NCKAP5: variants seen among roughly 807,000 people sequenced by gnomAD.
NCKAP5 encodes nck-associated protein 5.
NCKAP5 carries 92 observed loss-of-function variants against 167.0 expected under a neutral mutation model. The observed-to-expected ratio is 0.55, with a 90% CI of 0.47 to 0.66. The LOEUF (loss-of-function observed/expected upper bound fraction) is 0.66. NCKAP5 is among the 30% of genes least tolerant of loss of function. NCKAP5 has a pLI of 0.00. For missense variants in NCKAP5, 2,378 were observed against 2,315.0 expected, an observed-to-expected ratio of 1.03 and a Z score of -0.56; for synonymous variants, 891 against 877.4, an observed-to-expected ratio of 1.02 and a Z score of -0.27.
chr2:133,153,262 A>G (rs111859383), intron 5 of NCKAP5, among the ~76,000 whole-genome samples: 90 of 152,258 alleles, frequency 5.9e-4, no homozygotes, highest in Non-Finnish European at 1.1e-3. Context: ...ACCAAGAGGG[A>G]CCCTAATATA....
chr2:132,839,222 C>A (rs1175675812), intron 11 of NCKAP5, among the ~76,000 whole-genome samples: 1 of 152,076 alleles, frequency 6.6e-6, no homozygotes, highest in Non-Finnish European at 1.5e-5. Flanking sequence ...ATAAGTTCAC[C>A]TTTCTTTTAT....
At chr2:133,654,337 C>G in the NCKAP5 span, among the ~76,000 whole-genome samples, 430 of 151,874 alleles carry the variant, frequency 2.8e-3, no homozygotes, top group African/African-American at 9.8e-3. Flanking sequence ...AAGATCGCAC[C>G]ACTGCACTCC....
At chr2:132,737,761 A>T (rs1691654512) in intron 16 of NCKAP5, among the ~76,000 whole-genome samples, 2 of 152,220 alleles carry the variant, frequency 1.3e-5, no homozygotes, top group South Asian at 4.1e-4. Flanking sequence ...CAAGAGGCAC[A>T]CTGTTATAAT....
chr2:133,455,977 G>A (rs1691832055), intron 3 of NCKAP5, among the ~76,000 whole-genome samples: 1 of 152,102 alleles, frequency 6.6e-6, no homozygotes, highest in Non-Finnish European at 1.5e-5. Context: ...CACTAAATCA[G>A]ACAGTACCAA....
At chr2:133,661,820 G>T in the NCKAP5 span, among the ~76,000 whole-genome samples, 10 of 152,254 alleles carry the variant, frequency 6.6e-5, no homozygotes, top group Non-Finnish European at 1.0e-4. Context: ...GTTCACTGGT[G>T]CCTTATTAGA....
intron 17 of NCKAP5, 107 bp from the exon 18 acceptor site, chr2:132,729,059 AT>A: frequency 6.9e-7 from 1 of 1,447,586 alleles, no homozygotes; most frequent in Non-Finnish European, 9.4e-7. Context: ...AAAGGTCCAA[AT>A]ACAGTGAAAG....
chr2:133,389,619 T>C (rs1687254268), intron 3 of NCKAP5, among the ~76,000 whole-genome samples: 1 of 152,232 alleles, frequency 6.6e-6, no homozygotes, highest in South Asian at 2.1e-4. Context: ...GATAATTAAC[T>C]GTACTAAACG....
At chr2:133,103,494 A>T (rs2081584487) in intron 6 of NCKAP5, among the ~76,000 whole-genome samples, 1 of 152,198 alleles carries the variant, frequency 6.6e-6, no homozygotes, top group Non-Finnish European at 1.5e-5. Flanking sequence ...AACTGGCATT[A>T]TTTATATGGA....
Position 132,991,026 on chromosome 2 carries a change from C to T in NCKAP5, c.429+3126G>A, listed in dbSNP as rs140595904. Among the ~76,000 whole-genome samples, 638 of 152,218 alleles carry T rather than the reference C, an allele frequency of 4.2e-3. 1 individual carries two copies. The highest frequency in any genetic ancestry group is 6.8e-3 in the Non-Finnish European group (464 of 68,018). ...ATCTCAGCATAGATAATAAGCAGAC[C>T]TATCATTTAACTTGGGGCCTATAGT... On this transcript the variant is annotated intron_variant, in intron 7 of 19. Transcript: ENST00000409261.
At chr2:133,325,378 A>C (rs997834888) in intron 3 of NCKAP5, among the ~76,000 whole-genome samples, 17 of 152,330 alleles carry the variant, frequency 1.1e-4, no homozygotes, top group Non-Finnish European at 2.4e-4. Flanking sequence ...AAGTGCCTAC[A>C]TAAACCTGAG....
At chr2:133,522,244 C>G (rs1684537691) in intron 2 of NCKAP5, among the ~76,000 whole-genome samples, 1 of 152,180 alleles carries the variant, frequency 6.6e-6, no homozygotes, top group Non-Finnish European at 1.5e-5. Flanking sequence ...AGAAAGGGCA[C>G]CAGCAATGCC....
intron 10 of NCKAP5, 67 bp downstream of exon 10, chr2:132,868,869 T>G (rs1358765989): frequency 8.3e-7 from 1 of 1,201,508 alleles, no homozygotes. Flanking sequence ...TTTCCTAGCT[T>G]AACAACATGA....
chr2:133,353,122 A>G (rs931037927), intron 3 of NCKAP5, among the ~76,000 whole-genome samples: 1 of 152,212 alleles, frequency 6.6e-6, no homozygotes, highest in Admixed American at 6.5e-5. Context: ...GAATACAGCT[A>G]TTCACAAACT....
chr2:132,811,418 G>A (rs1685855529), intron 11 of NCKAP5, among the ~76,000 whole-genome samples: 1 of 152,062 alleles, frequency 6.6e-6, no homozygotes, highest in Non-Finnish European at 1.5e-5. Context: ...TCTGAGCTCA[G>A]GCTCTCCTTG....
At chr2:133,624,971 C>T in the NCKAP5 span, among the ~76,000 whole-genome samples, 13 of 152,228 alleles carry the variant, frequency 8.5e-5, no homozygotes, top group East Asian at 5.8e-4. Context: ...TGTATCTGGG[C>T]GGGTAGCATA....
At chr2:133,103,695 G>A (rs1247137991) in intron 6 of NCKAP5, among the ~76,000 whole-genome samples, 6 of 152,068 alleles carry the variant, frequency 3.9e-5, no homozygotes, top group South Asian at 2.1e-4. Context: ...GGGGGATCTC[G>A]CTTGAGCCCA....
intron 3 of NCKAP5, among the ~76,000 whole-genome samples, chr2:133,514,622 A>AAAGT (rs1178247135): frequency 2.6e-5 from 4 of 152,244 alleles, no homozygotes; most frequent in African/African-American, 9.6e-5. Context: ...GTAAAATCTG[A>AAAGT]AAGTGGAAAT....
intron 4 of NCKAP5, among the ~76,000 whole-genome samples, chr2:133,249,275 C>A (rs935334841): frequency 5.3e-5 from 8 of 152,138 alleles, no homozygotes; most frequent in Non-Finnish European, 1.0e-4. Flanking sequence ...GTGAAAGGAA[C>A]TCGAAAGAGT....
chr2:133,429,440 G>C (rs561776772), intron 3 of NCKAP5, among the ~76,000 whole-genome samples: 1 of 152,128 alleles, frequency 6.6e-6, no homozygotes, highest in African/African-American at 2.4e-5. Context: ...AAGTTTTACA[G>C]TCCTTCCCCC....
Sources: gnomAD v4.1 joint callset for allele counts (sites outside exome capture counted in the v4.1 genomes callset) on GRCh38, gnomAD v4.1.1 for gene constraint, MANE v1.5 for transcripts, NCBI Gene and HGNC (gene_info 2026-07-23, HGNC 2026-07-21) for gene names.